The following LRRC7 variants were observed in gnomAD, a reference collection of about 807,000 sequenced individuals.
The protein encoded by LRRC7 is leucine-rich repeat-containing protein 7.
In LRRC7, 23 loss-of-function variants were observed where a neutral mutation model predicts 175.7. The ratio of observed to expected loss-of-function variants is 0.13; its 90% confidence interval spans 0.09 to 0.19. The LOEUF is 0.19. Ranked by LOEUF, LRRC7 falls within the 10% of genes least tolerant of loss-of-function variation. The probability of loss-of-function intolerance (pLI) is 1.00; values close to 1 mark genes in which losing one functional copy is unlikely to be tolerated. For missense variants in LRRC7, 1,354 were observed against 1,904.7 expected, an observed-to-expected ratio of 0.71 and a Z score of 5.38; for synonymous variants, 685 against 680.9, an observed-to-expected ratio of 1.01 and a Z score of -0.09.
At chr1:69,707,116 G>C (rs767732827) in intron 2 of LRRC7, among the ~76,000 whole-genome samples, 4 of 151,910 alleles carry the variant, frequency 2.6e-5, no homozygotes, top group Non-Finnish European at 4.4e-5. Flanking sequence ...GATTAATGAG[G>C]AATAAATAAA....
Position 70,125,413 on chromosome 1 carries a change from CTCTTAA to C in LRRC7, c.*3533_*3538del, listed in dbSNP as rs1312409909. ...AGACTGACAAGCCAATGTTAATTTG[CTCTTAA>C]TCTTAAAGATGATTGCACACATATC... On this transcript the variant is annotated 3_prime_UTR_variant, in exon 27 of 27. Transcript: ENST00000651989. Among the ~76,000 whole-genome samples, 1 of 152,170 alleles carries C rather than the reference CTCTTAA, an allele frequency of 6.6e-6. No homozygotes were observed. The highest frequency in any genetic ancestry group is 1.5e-5 in the Non-Finnish European group (1 of 68,028).
At chr1:69,748,055 T>A (rs760852589) in intron 2 of LRRC7, among the ~76,000 whole-genome samples, 1 of 152,190 alleles carries the variant, frequency 6.6e-6, no homozygotes, top group Non-Finnish European at 1.5e-5. Context: ...ATAAAGTAAC[T>A]GCCTAAATTT....
At chr1:69,863,054 G>A (rs1210085659) in intron 7 of LRRC7, among the ~76,000 whole-genome samples, 1 of 152,096 alleles carries the variant, frequency 6.6e-6, no homozygotes, top group African/African-American at 2.4e-5. Context: ...TCCAAGCTCA[G>A]TTAATAGAAA....
At chr1:69,601,670 T>C (rs1025237191) in intron 1 of LRRC7, among the ~76,000 whole-genome samples, 1 of 152,196 alleles carries the variant, frequency 6.6e-6, no homozygotes, top group East Asian at 1.9e-4. Flanking sequence ...ATGATAAATA[T>C]GTTTAAAACA....
intron 4 of LRRC7, among the ~76,000 whole-genome samples, chr1:69,801,651 C>G (rs1676509738): frequency 6.6e-6 from 1 of 151,422 alleles, no homozygotes; most frequent in African/African-American, 2.4e-5. Context: ...TTTTGTTTAT[C>G]TTTTAAAGTA....
At chr1:70,066,824 G>C (rs776439335) in intron 23 of LRRC7, among the ~76,000 whole-genome samples, 2 of 151,990 alleles carry the variant, frequency 1.3e-5, no homozygotes, top group South Asian at 2.1e-4. Flanking sequence ...TTCCAGAGTG[G>C]CTCTACCATT....
intron 1 of LRRC7, among the ~76,000 whole-genome samples, chr1:69,636,100 G>A (rs574062902): frequency 5.9e-5 from 9 of 151,718 alleles, no homozygotes; most frequent in South Asian, 2.1e-4. Context: ...CTACTTCCTG[G>A]TTTCAAAGAA....
intron 4 of LRRC7, among the ~76,000 whole-genome samples, chr1:69,796,137 G>A (rs1326371966): frequency 1.0e-5 from 1 of 100,362 alleles, no homozygotes; most frequent in Non-Finnish European, 1.8e-5. Flanking sequence ...CCCCTCAACA[G>A]TCCCTGGTGT....
chr1:69,612,317 CAAT>C (rs1247723545), intron 1 of LRRC7, among the ~76,000 whole-genome samples: 1 of 151,920 alleles, frequency 6.6e-6, no homozygotes, highest in Admixed American at 6.6e-5. Flanking sequence ...TTCTTGCAAT[CAAT>C]AATAATTATA....
chr1:70,017,646 A>T (rs978102221), intron 14 of LRRC7, among the ~76,000 whole-genome samples: 2 of 152,202 alleles, frequency 1.3e-5, no homozygotes. Context: ...ATTTACAGTC[A>T]TTGGACACTT....
At chr1:70,052,954 G>A (rs1328481116) in intron 22 of LRRC7, 72 bp from the exon 23 acceptor site, 1 of 1,429,928 alleles carries the variant, frequency 7.0e-7, no homozygotes, top group Non-Finnish European at 9.3e-7. Context: ...ATGATCATTA[G>A]GGACTCTTTT....
At chr1:69,718,796 G>A (rs1263689420) in intron 2 of LRRC7, among the ~76,000 whole-genome samples, 1 of 151,768 alleles carries the variant, frequency 6.6e-6, no homozygotes, top group Non-Finnish European at 1.5e-5. Context: ...GAGATTCAAA[G>A]AGGGCAACAG....
chr1:70,112,714 A>G (rs1202813761), intron 26 of LRRC7, among the ~76,000 whole-genome samples: 3 of 152,108 alleles, frequency 2.0e-5, no homozygotes. Context: ...ACTGGGGATC[A>G]TGGAGATCTC....
chr1:69,766,436 A>G lies in LRRC7; in HGVS notation c.303+6043A>G, dbSNP rs552519997. ...CTCATTTCACTTATAGAGATCACAC[A>G]TTAACTGTTTTGTGTCTGAAGGGTG... On this transcript the variant is annotated intron_variant, in intron 3 of 26. Coordinates refer to ENST00000651989, the MANE Select transcript of LRRC7 (RefSeq NM_001370785.2). Among the ~76,000 whole-genome samples, 5 of 152,192 alleles carry G rather than the reference A, an allele frequency of 3.3e-5. No homozygotes were observed. The South Asian group carries it at 6.2e-4, about 19-fold the overall frequency.
chr1:69,750,273 ACT>A (rs1017690617), intron 2 of LRRC7, among the ~76,000 whole-genome samples: 1 of 151,712 alleles, frequency 6.6e-6, no homozygotes, highest in African/African-American at 2.4e-5. Flanking sequence ...CAGCAAGGAA[ACT>A]CTTATTTAGC....
intron 1 of LRRC7, among the ~76,000 whole-genome samples, chr1:69,602,630 CT>C (rs1311565539): frequency 6.6e-6 from 1 of 152,078 alleles, no homozygotes; most frequent in African/African-American, 2.4e-5. Flanking sequence ...AAAATGTATT[CT>C]TTCATAATTC....
At chr1:69,729,848 C>A (rs1667373770) in intron 2 of LRRC7, among the ~76,000 whole-genome samples, 1 of 152,232 alleles carries the variant, frequency 6.6e-6, no homozygotes, top group South Asian at 2.1e-4. Flanking sequence ...ACTGCCCTAG[C>A]AGAAGTTCTC....
At chr1:69,591,135 A>G (rs181321403) in intron 1 of LRRC7, among the ~76,000 whole-genome samples, 50 of 152,236 alleles carry the variant, frequency 3.3e-4, no homozygotes, top group African/African-American at 1.2e-3. Context: ...TTTGGATTAC[A>G]TATCAGAGGA....
chr1:69,592,998 T>G (rs1161339113), intron 1 of LRRC7, among the ~76,000 whole-genome samples: 1 of 152,090 alleles, frequency 6.6e-6, no homozygotes, highest in Non-Finnish European at 1.5e-5. Context: ...AATGCAAGTT[T>G]AATTCTCATA....
Sources: allele counts gnomAD v4.1 joint callset (sites outside exome capture counted in the v4.1 genomes callset), GRCh38; gene constraint gnomAD v4.1.1; transcripts MANE v1.5; gene names NCBI Gene and HGNC (gene_info 2026-07-23, HGNC 2026-07-21).